Variants in NCAPD2 observed in about 807,000 individuals in gnomAD.
NCAPD2 encodes non-SMC condensin I complex subunit D2.
In NCAPD2, 100 loss-of-function variants were observed where a neutral mutation model predicts 164.5. The ratio of observed to expected loss-of-function variants is 0.61; its 90% CI spans 0.52 to 0.72. NCAPD2 has a LOEUF of 0.72. NCAPD2 is among the 30% of genes least tolerant of loss of function. The pLI is 0.00. For synonymous variants in NCAPD2, 585 were observed against 642.6 expected (o/e 0.91, Z 1.36); for missense variants, 1,560 against 1,749.2 (o/e 0.89, Z 1.93).
Position 6,531,160 on chromosome 12 carries a change from G to A in NCAPD2, c.4120+84G>A, listed in dbSNP as rs558243361. The A allele has an allele frequency of 6.4e-7, 1 of 1,568,938 alleles. No individual in the cohort carries two copies. Among genetic ancestry groups the A allele is most frequent in the Non-Finnish European group, 8.7e-7 (1 of 1,149,216 alleles). On this transcript the variant is annotated intron_variant, in intron 31 of 31. Coordinates refer to ENST00000315579, the MANE Select transcript of NCAPD2 (RefSeq NM_014865.4). This position sits in a 1 kb window ranked among gnomAD's most constrained non-coding sequence, Gnocchi z 4.1. ...GGTTTCCATAGGACCTGCTGCGGGG[G>A]CCTGAGTGTAGATGCTCTGCCCCAC...
At chr12:6,504,216 T>TATATATATATATATATACAC (rs1406807438) in intron 2 of NCAPD2, among the ~76,000 whole-genome samples, 1 of 23,220 alleles carries the variant, frequency 4.3e-5, no homozygotes, top group Non-Finnish European at 7.9e-5. Context: ...TATATATATA[T>TATATATATATATATATACAC]AGATATAGAT....
chr12:6,504,220 T>TATACAC (rs1565539620), intron 2 of NCAPD2, among the ~76,000 whole-genome samples: 8 of 25,348 alleles, frequency 3.2e-4, no homozygotes, highest in South Asian at 1.8e-3. Context: ...TATATATAGA[T>TATACAC]ATAGATATAT....
chr12:6,522,223 T>G (rs944830264), intron 15 of NCAPD2, among the ~76,000 whole-genome samples, 186 bp downstream of exon 15: 4 of 152,148 alleles, frequency 2.6e-5, no homozygotes, highest in African/African-American at 9.7e-5. Context: ...TGTGAGCCAC[T>G]GCACCCGGCC....
At position 6,526,150 on chromosome 12, in the gene NCAPD2, C is replaced by T. The variant is rs1469112890; in HGVS notation, c.2431C>T (p.Leu811=). 1 of 1,614,204 alleles carries T rather than the reference C, an allele frequency of 6.2e-7. No individual in the cohort carries two copies. The highest frequency in any genetic ancestry group is 2.2e-5 in the East Asian group (1 of 44,888). ...TGAGAAGTTTCCACAGGACTACAGG[C>T]TGGCCCAGCAGGTGTGCCATGCCAT... The part of the protein sequence containing the change: ...LDEKFPQDYR[L]AQQVCHAIAN... The change falls in exon 19 of 32, where the codon CTG becomes TTG. Residue 811 remains leucine, a synonymous_variant. Coordinates refer to ENST00000315579, the MANE Select transcript of NCAPD2 (RefSeq NM_014865.4).
Position 6,510,609 on chromosome 12 carries a change from C to G in NCAPD2, c.263-20C>G. The G allele has an allele frequency of 1.2e-6, 2 of 1,613,676 alleles. No homozygotes were observed. Among genetic ancestry groups the G allele is most frequent in the Non-Finnish European group, 1.7e-6 (2 of 1,179,796 alleles). ...TGAAAGAAGTGAGTGAAACTGACTC[C>G]AAGATTCTGCCCCTCACAGTGGTAT... On this transcript the variant is annotated intron_variant, in intron 4 of 31. Coordinates refer to ENST00000315579, the MANE Select transcript of NCAPD2 (RefSeq NM_014865.4).
chr12:6,514,577 G>A lies in NCAPD2; in HGVS notation c.829G>A (p.Glu277Lys), dbSNP rs771528727. 2 of 1,614,188 alleles carry A rather than the reference G, an allele frequency of 1.2e-6. No individual in the cohort carries two copies. The highest frequency in any genetic ancestry group is 1.7e-6 in the Non-Finnish European group (2 of 1,180,028). The change falls in exon 8 of 32, where the codon GAG becomes AAG. Residue 277 changes from glutamate (E) to lysine (K), a missense_variant. Transcript: ENST00000315579. ...TDYGMKSIVGEIVREIGQKCP... is the reference protein window; with the variant it reads ...TDYGMKSIVGKIVREIGQKCP... ...CTATGGAATGAAGAGCATAGTGGGAGAGATTGTAAGGTGACTCTTCCTTCT... is the reference window on the plus strand; with the variant it reads ...CTATGGAATGAAGAGCATAGTGGGAAAGATTGTAAGGTGACTCTTCCTTCT...
In NCAPD2 at chr12:6,527,997, C is replaced by G. The variant is rs766817718; in HGVS notation, c.3049C>G (p.Leu1017Val). 4.3e-6 allele frequency: 7 copies of G among 1,614,262 alleles called. No homozygotes were observed. Among genetic ancestry groups the G allele is most frequent in the Non-Finnish European group, 5.1e-6 (6 of 1,180,044 alleles). ...ACAGACACTGGCTGCCTTTGTTCCA[C>G]TCTTGCTTAAAGTCTGTAACAACCC... ...GKQTLAAFVP[L>V]LLKVCNNPGL... Residue 1017 changes from leucine (L) to valine (V), a missense_variant, in exon 24 of 32, where the codon CTC becomes GTC. Coordinates refer to ENST00000315579, the MANE Select transcript of NCAPD2 (RefSeq NM_014865.4).
intron 2 of NCAPD2, among the ~76,000 whole-genome samples, chr12:6,498,439 A>G (rs1946003788): frequency 6.6e-6 from 1 of 152,198 alleles, no homozygotes; most frequent in Non-Finnish European, 1.5e-5. Context: ...ATAAACAAGT[A>G]AATATGTAGT....
chr12:6,504,212 T>TATAG (rs1555137426), intron 2 of NCAPD2, among the ~76,000 whole-genome samples: 48 of 21,708 alleles, frequency 2.2e-3, no homozygotes, highest in East Asian at 4.2e-3. Flanking sequence ...TATATATATA[T>TATAG]ATATAGATAT....
rs780677151 is a variant in NCAPD2 at position 6,526,439 on chromosome 12, C to G, written c.2567-9C>G. The G allele has an allele frequency of 1.9e-6, 3 of 1,614,072 alleles. No homozygotes were observed. The highest frequency in any genetic ancestry group is 2.5e-6 in the Non-Finnish European group (3 of 1,180,046). ...TTGCAGTAAACAACTTCTCCCTCCT[C>G]CTCTGCAGGCTTTGTCCACCCAGAC... is the stretch of plus-strand genomic sequence containing the variant. On this transcript the variant is annotated splice_polypyrimidine_tract_variant and intron_variant, in intron 20 of 31. Transcript: ENST00000315579.
Position 6,510,784 on chromosome 12 carries a change from C to T in NCAPD2, c.418C>T (p.Leu140Phe), listed in dbSNP as rs1946139375. 1 of 1,614,020 alleles carries T rather than the reference C, an allele frequency of 6.2e-7. No homozygotes were observed. The highest frequency in any genetic ancestry group is 8.5e-7 in the Non-Finnish European group (1 of 1,180,036). The change falls in exon 5 of 32, where the codon CTT (leucine) becomes TTT (phenylalanine). Residue 140 changes from leucine (L) to phenylalanine (F), a missense_variant. Physicochemically the swap from Leu to Phe is conservative, Grantham distance 22 (BLOSUM62 0). Coordinates refer to ENST00000315579, the MANE Select transcript of NCAPD2 (RefSeq NM_014865.4). Reference protein sequence around the residue: ...SFETMASQTNLVDLDLGGKGK... With the variant: ...SFETMASQTNFVDLDLGGKGK... Reference sequence around the variant, plus strand: ...TGAGACCATGGCCAGCCAGACAAACCTTGTGGACCTGGACCTTGGTGGGAA... The same window carrying T: ...TGAGACCATGGCCAGCCAGACAAACTTTGTGGACCTGGACCTTGGTGGGAA...
At chr12:6,515,323 T>C (rs1946188493) in intron 9 of NCAPD2, among the ~76,000 whole-genome samples, 1 of 152,134 alleles carries the variant, frequency 6.6e-6, no homozygotes, top group Non-Finnish European at 1.5e-5. Context: ...TAGCTGGGAC[T>C]TCAGGCACAT....
chr12:6,528,663 G>C lies in NCAPD2; in HGVS notation c.3300-16G>C. ...CCGGAGGTCTCGGTCCCCATGACCCGCAATTCCATTCCTAGTCTCCGGGAC... is the reference window on the plus strand; with the variant it reads ...CCGGAGGTCTCGGTCCCCATGACCCCCAATTCCATTCCTAGTCTCCGGGAC... On this transcript the variant is annotated splice_polypyrimidine_tract_variant and intron_variant, in intron 25 of 31. Coordinates refer to ENST00000315579, the MANE Select transcript of NCAPD2 (RefSeq NM_014865.4). The surrounding 1 kb of genome is among the most constrained non-coding windows in gnomAD (Gnocchi z 5.1). 6.2e-7 allele frequency: 1 copy of C among 1,604,158 alleles called. No individual in the cohort carries two copies.
At chr12:6,524,962 G>A (rs1946302904) in intron 17 of NCAPD2, among the ~76,000 whole-genome samples, 1 of 152,174 alleles carries the variant, frequency 6.6e-6, no homozygotes, top group African/African-American at 2.4e-5. Flanking sequence ...ACAAGAGGCA[G>A]GGGAGAGCAC....
chr12:6,506,755 C>T lies in NCAPD2; in HGVS notation c.128-2962C>T, dbSNP rs1201983602. ...AGCTACTCAGGAGGCTGAGGCAGCC[C>T]GATTGCTTGAGCCCAGGAATTTAAG... On this transcript the variant is annotated intron_variant, in intron 2 of 31. Transcript: ENST00000315579. 4.0e-5 allele frequency among the ~76,000 whole-genome samples: 6 copies of T among 151,776 alleles called. No individual in the cohort carries two copies. The East Asian group carries it at 7.8e-4, about 20-fold the overall frequency.
At chr12:6,494,291 A>G (rs779847645) in intron 1 of NCAPD2, 137 bp downstream of exon 1, 11 of 151,406 alleles carry the variant, frequency 7.3e-5, no homozygotes, top group Admixed American at 2.0e-4. Context: ...TAAGTCTGAC[A>G]GATCCGCAAC....
chr12:6,522,785 G>C (rs1392819827), intron 15 of NCAPD2, 43 bp from the exon 16 acceptor site: 1 of 1,601,164 alleles, frequency 6.2e-7, no homozygotes, highest in Non-Finnish European at 8.5e-7. Flanking sequence ...TATTGGGGGA[G>C]TTTTGTGAAG....
At chr12:6,518,896 T>G (rs1386198537) in intron 13 of NCAPD2, among the ~76,000 whole-genome samples, 1 of 151,746 alleles carries the variant, frequency 6.6e-6, no homozygotes, top group Non-Finnish European at 1.5e-5. Flanking sequence ...GGCTGAATTT[T>G]TTTTTTGGAG....
At chr12:6,508,183 G>C (rs142156529) in intron 2 of NCAPD2, among the ~76,000 whole-genome samples, 1 of 152,054 alleles carries the variant, frequency 6.6e-6, no homozygotes, top group African/African-American at 2.4e-5. Context: ...TTAGCCAGGC[G>C]TTGTGGCACG....
Sources: gnomAD v4.1 joint callset for allele counts (sites outside exome capture counted in the v4.1 genomes callset) on GRCh38, gnomAD v4.1.1 for gene constraint, Gnocchi (gnomAD v3.1) non-coding constraint, MANE v1.5 for transcripts, NCBI Gene and HGNC (gene_info 2026-07-23, HGNC 2026-07-21) for gene names.